The following ZNF630 variants were observed in gnomAD, a reference collection of about 807,000 sequenced individuals.
The protein encoded by ZNF630 is dJ54B20.2 (novel KRAB box containing C2H2 type zinc finger protein).
In ZNF630, 5 loss-of-function variants were observed where a neutral mutation model predicts 7.2. The observed-to-expected ratio is 0.70, with a 90% CI of 0.36 to 1.46. The LOEUF (loss-of-function observed/expected upper bound fraction) is 1.46. Among genes scored for constraint, ZNF630 ranks in the 40% most tolerant of loss-of-function variants. The probability of loss-of-function intolerance (pLI) is 0.03; values close to 1 mark genes in which losing one functional copy is unlikely to be tolerated. For missense variants in ZNF630, 461 were observed against 477.0 expected (o/e 0.97, Z 0.31); for synonymous variants, 158 against 162.8 (o/e 0.97, Z 0.23).
At chrX:48,068,165 A>C (rs868906481) in intron 1 of ZNF630, among the ~76,000 whole-genome samples, 16 of 73,230 alleles carry the variant, frequency 2.2e-4, no homozygotes, top group Admixed American at 6.3e-4. Context: ...GGGAGGGAGG[A>C]AGAAGGAAGG....
intron 1 of ZNF630, among the ~76,000 whole-genome samples, chrX:48,067,281 G>A (rs1339120619): frequency 8.9e-6 from 1 of 111,882 alleles, no homozygotes; most frequent in Non-Finnish European, 1.9e-5. Context: ...CTCTTTACTT[G>A]AATAAACAAA....
chrX:48,071,113 A>C (rs2059158533), intron 1 of ZNF630, 154 bp downstream of exon 1: 1 of 108,136 alleles, frequency 9.2e-6, no homozygotes, highest in Non-Finnish European at 1.9e-5. Flanking sequence ...CACCCCACAA[A>C]CTCCCATTTG....
chrX:48,058,472 C>T lies in ZNF630; in HGVS notation c.1970G>A (p.Cys657Tyr). ...NPYRKDTLYI[C>Y] ...TGGGAATAGGCCTTCCCACAATCAG[C>T]ATATATACAAGGTGTCTTTCCTATA... The change falls in exon 5 of 5, where the codon TGC becomes TAC. Residue 657 changes from cysteine (C) to tyrosine (Y), a missense_variant. Cys to Tyr is a radical substitution (Grantham distance 194, BLOSUM62 -2). Coordinates refer to ENST00000276054, the MANE Select transcript of ZNF630 (RefSeq NM_001282201.2). 2.6e-6 allele frequency: 3 copies of T among 1,156,808 alleles called. No homozygotes were observed. Among genetic ancestry groups the T allele is most frequent in the Non-Finnish European group, 3.4e-6 (3 of 869,880 alleles).
At chrX:48,069,852 T>TTTTG (rs1556910760) in intron 1 of ZNF630, among the ~76,000 whole-genome samples, 20 of 99,417 alleles carry the variant, frequency 2.0e-4, no homozygotes, top group Non-Finnish European at 3.8e-4. Flanking sequence ...TTTTTTTTTT[T>TTTTG]TTTGTTTTTT....
Position 48,059,804 on chromosome X carries a change from G to A in ZNF630, c.638C>T (p.Pro213Leu). The A allele has an allele frequency of 8.3e-7, 1 of 1,208,588 alleles. No homozygotes were observed. Among genetic ancestry groups the A allele is most frequent in the Non-Finnish European group, 1.1e-6 (1 of 893,265 alleles). Reference sequence around the variant, plus strand: ...CACAGAACAGGAAGCATTATACTTAGGTGGTCTCCCACATCTAAATCTCTT... The same window carrying A: ...CACAGAACAGGAAGCATTATACTTAAGTGGTCTCCCACATCTAAATCTCTT... ...PTKRFRCGRP[P>L]KYNASCSVPE... The change falls in exon 5 of 5, where the codon CCT (proline) becomes CTT (leucine). Residue 213 changes from proline to leucine, a missense_variant. Transcript: ENST00000276054.
rs1556909008 is a variant in ZNF630 at position 48,060,486 on chromosome X, T to C, written c.202A>G (p.Ile68Val). The change falls in exon 4 of 5, where the codon ATC (isoleucine) becomes GTC (valine). Residue 68 changes from isoleucine to valine, a missense_variant. By Grantham distance (29) the Ile-to-Val change is conservative. Transcript: ENST00000276054. ...CACCTTGACAACTCACTCTCTATGA[T>C]CCATGGGTCCTTTCCATGTTCCAAC... Reference protein sequence around the residue: ...FKLEHGKDPWIIESELSRWIY... With the variant: ...FKLEHGKDPWVIESELSRWIY... 6.6e-6 allele frequency: 8 copies of C among 1,205,282 alleles called. No homozygotes were observed. In the Admixed American group the frequency reaches 1.8e-4, roughly 27 times the overall value.
At position 48,059,232 on chromosome X, in the gene ZNF630, C is replaced by T. The variant is rs73493249; in HGVS notation, c.1210G>A (p.Glu404Lys). The change falls in exon 5 of 5, where the codon GAA (glutamate) becomes AAA (lysine). Residue 404 changes from glutamate to lysine, a missense_variant. Coordinates refer to ENST00000276054, the MANE Select transcript of ZNF630 (RefSeq NM_001282201.2). Reference protein sequence around the residue: ...QITHTGKKPYECTECGKTFPR... With the variant: ...QITHTGKKPYKCTECGKTFPR... ...AAGGTCTTCCCACATTCAGTACATTCATAGGGCTTCTTCCCAGTATGAGTT... is the reference window on the plus strand; with the variant it reads ...AAGGTCTTCCCACATTCAGTACATTTATAGGGCTTCTTCCCAGTATGAGTT... 1,478 of 1,206,925 alleles carry T rather than the reference C, an allele frequency of 1.2e-3. 33 individuals are homozygous for T. The African/African-American group carries it at 0.022, about 18-fold the overall frequency.
chrX:48,065,228 G>A (rs782060841), intron 2 of ZNF630, among the ~76,000 whole-genome samples: 4 of 111,041 alleles, frequency 3.6e-5, no homozygotes, highest in South Asian at 3.7e-4. Flanking sequence ...TAGGCCGGGC[G>A]CAGTGGCTCA....
At chrX:48,061,744 C>T in intron 2 of ZNF630, 1 of 322,663 alleles carries the variant, frequency 3.1e-6, no homozygotes, top group South Asian at 2.7e-5. Flanking sequence ...TGGCATTTCC[C>T]TTGCTGGCAC....
In ZNF630 at chrX:48,058,430, C is replaced by A. The variant is rs782674902; in HGVS notation, c.*38G>T. On this transcript the variant is annotated 3_prime_UTR_variant, in exon 5 of 5. Transcript: ENST00000276054. ...TATTCAATGTGAGTTTTCCCATAGACAATGAGGACTGACTTCTGGGAATAG... is the reference window on the plus strand; with the variant it reads ...TATTCAATGTGAGTTTTCCCATAGAAAATGAGGACTGACTTCTGGGAATAG... The A allele has an allele frequency of 8.9e-7, 1 of 1,129,563 alleles. No homozygotes were observed. Among genetic ancestry groups the A allele is most frequent in the Admixed American group, 3.0e-5 (1 of 33,496 alleles). 93.1% of individuals were successfully genotyped at this position (1,129,563 alleles called of 1,213,427 possible).
intron 4 of ZNF630, 29 bp from the exon 5 acceptor site, chrX:48,060,232 A>G (rs2059097634): frequency 1.5e-6 from 1 of 681,803 alleles, no homozygotes; most frequent in South Asian, 2.9e-5. Context: ...GGGAAAATCA[A>G]ATACACACAC....
intron 1 of ZNF630, among the ~76,000 whole-genome samples, chrX:48,069,378 A>AAAAG (rs2059148735): frequency 9.0e-6 from 1 of 110,819 alleles, no homozygotes; most frequent in Non-Finnish European, 1.9e-5. Flanking sequence ...CAAAACAAAA[A>AAAAG]CAAAAAAAAG....
In ZNF630 at chrX:48,058,553, C is replaced by T. The variant is rs1556908209; in HGVS notation, c.1889G>A (p.Ser630Asn). ...RHTGEKPSRC[S>N]DCGKAFCQHV... ...CTGGCAGAATGCCTTCCCACAGTCA[C>T]TGCATCTGGAGGGTTTCTCCCCAGT... The change falls in exon 5 of 5, where the codon AGT becomes AAT. Residue 630 changes from serine (S) to asparagine (N), a missense_variant. Transcript: ENST00000276054. The T allele has an allele frequency of 5.1e-6, 6 of 1,183,511 alleles. No individual in the cohort carries two copies. Among genetic ancestry groups the T allele is most frequent in the South Asian group, 1.9e-5 (1 of 53,038 alleles).
At chrX:48,061,049 A>G (rs1186622831) in intron 2 of ZNF630, 104 bp from the exon 3 acceptor site, 14 of 750,467 alleles carry the variant, frequency 1.9e-5, no homozygotes, top group Middle Eastern at 3.2e-4. Context: ...ACTTTATGAG[A>G]GAAACAATGT....
rs199761293 is a variant in ZNF630, at chrX:48,060,869, G to T, written c.92C>A (p.Thr31Asn). The T allele has an allele frequency of 1.7e-6, 2 of 1,204,013 alleles. No homozygotes were observed. The highest frequency in any genetic ancestry group is 3.5e-5 in the African/African-American group (2 of 56,597). The change falls in exon 3 of 5, where the codon ACC becomes AAC. Residue 31 changes from threonine (T) to asparagine (N), a missense_variant. Physicochemically the swap from Thr to Asn is moderately conservative, Grantham distance 65 (BLOSUM62 0). Transcript: ENST00000276054. ...EWQQLNPAQK[T>N]LHRDVMLETY... Reference sequence around the variant, plus strand: ...CTCCAGCATCACATCCCTATGCAGGGTCTTCTGAGCAGGATTCAACTGCTG... The same window carrying T: ...CTCCAGCATCACATCCCTATGCAGGTTCTTCTGAGCAGGATTCAACTGCTG...
intron 2 of ZNF630, 103 bp downstream of exon 2, chrX:48,066,769 T>G: frequency 9.5e-7 from 1 of 1,049,203 alleles, no homozygotes; most frequent in Non-Finnish European, 1.3e-6. Context: ...CAATTTTGCC[T>G]GTTGATCATC....
At chrX:48,069,849 T>TTTTTTG (rs1556910744) in intron 1 of ZNF630, among the ~76,000 whole-genome samples, 30 of 62,533 alleles carry the variant, frequency 4.8e-4, no homozygotes, top group African/African-American at 1.4e-3. Flanking sequence ...CTGTTTTTTT[T>TTTTTTG]TTTTTTGTTT....
chrX:48,065,571 T>C (rs1181960548), intron 2 of ZNF630, among the ~76,000 whole-genome samples: 1 of 107,779 alleles, frequency 9.3e-6, no homozygotes, highest in Non-Finnish European at 1.9e-5. Flanking sequence ...TAATCCCAGC[T>C]ACTTGGGAGA....
Position 48,069,841 on chromosome X carries a change from G to GTTTTT in ZNF630, c.-176+1421_-176+1425dup, listed in dbSNP as rs1210374790. Reference sequence around the variant, plus strand: ...TCCTAAATTCCACAGGACATTGTCTGTTTTTTTTTTTTTTGTTTTTTGTTT... The same window carrying GTTTTT: ...TCCTAAATTCCACAGGACATTGTCTGTTTTTTTTTTTTTTTTTTTGTTTTTTGTTT... On this transcript the variant is annotated intron_variant, in intron 1 of 4. Coordinates refer to ENST00000276054, the MANE Select transcript of ZNF630 (RefSeq NM_001282201.2). Among the ~76,000 whole-genome samples the GTTTTT allele has an allele frequency of 3.2e-3, 131 of 40,822 alleles. 3 individuals are homozygous for GTTTTT. The highest frequency in any genetic ancestry group is 5.6e-3 in the Admixed American group (15 of 2,668). The allele number at this position is 40,822 out of a possible 115,157, so 35.4% of individuals were successfully genotyped here. A position where few individuals can be genotyped will look rare whatever the true frequency, so the allele number is the denominator to read the frequency against.
Sources: gnomAD v4.1 joint callset for allele counts (sites outside exome capture counted in the v4.1 genomes callset) on GRCh38, gnomAD v4.1.1 for gene constraint, MANE v1.5 for transcripts, NCBI Gene and HGNC (gene_info 2026-07-23, HGNC 2026-07-21) for gene names.